PRKG1: variants seen among roughly 807,000 people sequenced by gnomAD.
PRKG1 encodes the protein protein kinase cGMP-dependent 1.
Under a neutral mutation model 88.1 loss-of-function variants are expected in PRKG1, and 35 were observed. The ratio of observed to expected loss-of-function variants is 0.40; its 90% confidence interval spans 0.30 to 0.53. The LOEUF is 0.53. Ranked by LOEUF, PRKG1 falls within the 20% of genes least tolerant of loss-of-function variation. The pLI, the probability that PRKG1 is intolerant of heterozygous loss-of-function variation, is 0.59. For missense variants in PRKG1, 540 were observed against 839.8 expected (o/e 0.64, Z 4.41); for synonymous variants, 303 against 292.5 (o/e 1.04, Z -0.37).
Position 51,766,187 on chromosome 10 carries a change from G to C in PRKG1, c.593-38398G>C, listed in dbSNP as rs142333787. On this transcript the variant is annotated intron_variant, in intron 3 of 17. Transcript: ENST00000373980. ...AAAAAAGAAAGCTCCCCACTGCAGA[G>C]AGGAGGCCCAAAAGAGGGTTGCTGT... is the stretch of plus-strand genomic sequence containing the variant. 7.5e-3 allele frequency among the ~76,000 whole-genome samples: 1,145 copies of C among 152,166 alleles called. 12 individuals are homozygous for C. The highest frequency in any genetic ancestry group is 0.017 in the Middle Eastern group (5 of 294).
At chr10:51,953,657 T>C (rs1035727018) in intron 5 of PRKG1, among the ~76,000 whole-genome samples, 1 of 152,154 alleles carries the variant, frequency 6.6e-6, no homozygotes. Flanking sequence ...TGCTTAATAA[T>C]GTTTGATGAA....
At chr10:51,016,226 AT>A (rs202223045) in intron 1 of PRKG1, among the ~76,000 whole-genome samples, 3,084 of 152,170 alleles carry the variant, frequency 0.02, 55 homozygotes, top group African/African-American at 0.044. Flanking sequence ...CTCCTCTTTC[AT>A]TTTTCAGTCA....
At chr10:52,082,022 G>A (rs938395452) in intron 7 of PRKG1, among the ~76,000 whole-genome samples, 2 of 152,084 alleles carry the variant, frequency 1.3e-5, no homozygotes, top group African/African-American at 2.4e-5. Flanking sequence ...ACAGTTCTGC[G>A]TGGCTAGGGA....
At chr10:51,670,048 A>G (rs1314041632) in intron 3 of PRKG1, among the ~76,000 whole-genome samples, 2 of 152,132 alleles carry the variant, frequency 1.3e-5, no homozygotes, top group Non-Finnish European at 2.9e-5. Context: ...TTAAGGCTGT[A>G]TTAGTTGATG....
chr10:51,960,119 T>C (rs1843410276), intron 5 of PRKG1, among the ~76,000 whole-genome samples: 1 of 124,694 alleles, frequency 8.0e-6, no homozygotes, highest in Admixed American at 8.6e-5. Context: ...TTACTTTGGT[T>C]TCCTTTTTTT....
chr10:51,385,053 T>A (rs1837216290), intron 2 of PRKG1, among the ~76,000 whole-genome samples: 1 of 152,238 alleles, frequency 6.6e-6, no homozygotes, highest in African/African-American at 2.4e-5. Context: ...ATATCTTTTA[T>A]GAAGTTGTCC....
chr10:51,253,563 A>G (rs1333486669), intron 2 of PRKG1, among the ~76,000 whole-genome samples: 1 of 151,894 alleles, frequency 6.6e-6, no homozygotes, highest in Non-Finnish European at 1.5e-5. Flanking sequence ...CAAGCCAGTT[A>G]TGTTCAAATT....
At chr10:52,215,475 A>G (rs1230396049) in intron 9 of PRKG1, among the ~76,000 whole-genome samples, 1 of 152,072 alleles carries the variant, frequency 6.6e-6, no homozygotes, top group Middle Eastern at 3.2e-3. Flanking sequence ...ACAGGCATTT[A>G]GATAGTTAAA....
chr10:52,079,488 C>T (rs1035904747), intron 7 of PRKG1, among the ~76,000 whole-genome samples: 3 of 152,162 alleles, frequency 2.0e-5, no homozygotes, highest in Non-Finnish European at 4.4e-5. Flanking sequence ...TCTAGATCAT[C>T]CTTTAGGAAC....
chr10:52,028,842 A>G (rs1845407185), intron 5 of PRKG1, among the ~76,000 whole-genome samples: 1 of 152,256 alleles, frequency 6.6e-6, no homozygotes, highest in Non-Finnish European at 1.5e-5. Flanking sequence ...AGAAATGAAC[A>G]ATAATGTTGA....
At chr10:52,129,569 A>G (rs1444100781) in intron 7 of PRKG1, among the ~76,000 whole-genome samples, 2 of 152,214 alleles carry the variant, frequency 1.3e-5, no homozygotes, top group African/African-American at 4.8e-5. Context: ...ACCCTCTTAG[A>G]GAGCTACAAG....
intron 2 of PRKG1, among the ~76,000 whole-genome samples, chr10:51,420,871 A>C (rs1838391698): frequency 2.6e-5 from 4 of 152,156 alleles, no homozygotes; most frequent in Admixed American, 2.6e-4. Flanking sequence ...CGGGCACTTC[A>C]CATGGTAAAA....
intron 2 of PRKG1, among the ~76,000 whole-genome samples, chr10:51,257,049 C>A (rs1308627266): frequency 6.6e-6 from 1 of 151,738 alleles, no homozygotes; most frequent in African/African-American, 2.4e-5. Flanking sequence ...GAAGAATTGA[C>A]AGGACAAGAT....
At chr10:52,022,125 G>T (rs1345729677) in intron 5 of PRKG1, among the ~76,000 whole-genome samples, 2 of 152,098 alleles carry the variant, frequency 1.3e-5, no homozygotes, top group Non-Finnish European at 2.9e-5. Flanking sequence ...AGCCATTAGG[G>T]TAAATGACTG....
chr10:51,501,846 T>G (rs568618029), intron 3 of PRKG1, among the ~76,000 whole-genome samples: 199 of 150,486 alleles, frequency 1.3e-3, no homozygotes, highest in South Asian at 2.3e-3. Context: ...TATACAAAGT[T>G]ATATCTTGAC....
intron 9 of PRKG1, among the ~76,000 whole-genome samples, chr10:52,168,241 A>G (rs561385596): frequency 1.3e-5 from 2 of 152,296 alleles, no homozygotes; most frequent in African/African-American, 4.8e-5. Flanking sequence ...CATTTTAACT[A>G]GATGTGGCCT....
intron 3 of PRKG1, among the ~76,000 whole-genome samples, chr10:51,659,483 GT>G (rs1462537412): frequency 6.6e-6 from 1 of 152,036 alleles, no homozygotes; most frequent in Non-Finnish European, 1.5e-5. Flanking sequence ...GAACATAATT[GT>G]TTTCAGGCAA....
chr10:51,671,867 A>G (rs1222838703), intron 3 of PRKG1, among the ~76,000 whole-genome samples: 2 of 152,112 alleles, frequency 1.3e-5, no homozygotes, highest in Admixed American at 6.5e-5. Flanking sequence ...TTTTATAAGA[A>G]TACTGGTGAT....
chr10:52,085,827 G>A (rs571318163), intron 7 of PRKG1, among the ~76,000 whole-genome samples: 2 of 151,616 alleles, frequency 1.3e-5, no homozygotes, highest in African/African-American at 4.9e-5. Context: ...CCCTTTCCCT[G>A]GTTCCTAACA....
Sources: allele counts gnomAD v4.1 joint callset (sites outside exome capture counted in the v4.1 genomes callset), GRCh38; gene constraint gnomAD v4.1.1; transcripts MANE v1.5; gene names NCBI Gene and HGNC (gene_info 2026-07-23, HGNC 2026-07-21).